The following OR9Q1 variants were observed in gnomAD, a reference collection of about 807,000 sequenced individuals.
OR9Q1 encodes the protein olfactory receptor 9Q1.
For synonymous variants in OR9Q1, 153 were observed against 148.6 expected, an observed-to-expected ratio of 1.03 and a Z score of -0.22; for missense variants, 374 against 378.8, an observed-to-expected ratio of 0.99 and a Z score of 0.11.
At chr11:58,140,505 G>C (rs1385346607) in intron 2 of OR9Q1, among the ~76,000 whole-genome samples, 3 of 152,108 alleles carry the variant, frequency 2.0e-5, no homozygotes, top group Non-Finnish European at 4.4e-5. Flanking sequence ...TTCTACATAT[G>C]GCTAGCCAGT....
intron 2 of OR9Q1, among the ~76,000 whole-genome samples, chr11:58,127,019 T>C (rs1035674358): frequency 1.3e-5 from 2 of 152,188 alleles, no homozygotes; most frequent in Admixed American, 1.3e-4. Flanking sequence ...GGCATGATCT[T>C]GGCTCACTGC....
Position 58,036,067 on chromosome 11 carries a change from A to G in OR9Q1, c.-93+11963A>G, listed in dbSNP as rs143418423. On this transcript the variant is annotated intron_variant, in intron 1 of 2. Transcript: ENST00000335397. ...GTGTCACATTTTAGTAATTCTCGCAACATTTTAAACTTTACTGTTATTATT... is the reference window on the plus strand; with the variant it reads ...GTGTCACATTTTAGTAATTCTCGCAGCATTTTAAACTTTACTGTTATTATT... 1.9e-3 allele frequency among the ~76,000 whole-genome samples: 292 copies of G among 152,174 alleles called. 4 individuals carry two copies. The highest frequency in any genetic ancestry group is 6.6e-3 in the African/African-American group (275 of 41,516).
chr11:58,034,317 G>T (rs554181122), intron 1 of OR9Q1, among the ~76,000 whole-genome samples: 1 of 151,830 alleles, frequency 6.6e-6, no homozygotes, highest in African/African-American at 2.4e-5. Flanking sequence ...TCGATCTTCT[G>T]ACCTCGTGAT....
chr11:58,094,369 C>G (rs562428236), intron 2 of OR9Q1, among the ~76,000 whole-genome samples: 45 of 152,188 alleles, frequency 3.0e-4, no homozygotes, highest in African/African-American at 9.9e-4. Context: ...ACTCTAAAAG[C>G]CCCAATTTCA....
At chr11:58,031,219 G>T in intron 1 of OR9Q1, 1 of 1,614,120 alleles carries the variant, frequency 6.2e-7, no homozygotes, top group Non-Finnish European at 8.5e-7. Flanking sequence ...GTTTTATTGG[G>T]GTGGATGGTG....
rs149774276 is a variant in OR9Q1, at chr11:58,115,179, C to G, written c.-15+59232C>G. ...AAGAGAGTAGTTTTAAATATTCTCA[C>G]CACAAAAATATTTATCATAATTAAC... On this transcript the variant is annotated intron_variant, in intron 2 of 2. Transcript: ENST00000335397. 3.8e-3 allele frequency among the ~76,000 whole-genome samples: 583 copies of G among 152,144 alleles called. 7 individuals are homozygous for G. The highest frequency in any genetic ancestry group is 6.5e-3 in the Non-Finnish European group (442 of 68,010).
intron 2 of OR9Q1, among the ~76,000 whole-genome samples, chr11:58,175,213 G>A (rs1590627462): frequency 1.3e-5 from 2 of 151,176 alleles, no homozygotes; most frequent in Non-Finnish European, 2.9e-5. Flanking sequence ...GGAAGATTTT[G>A]GAACTGGGAA....
At chr11:58,141,085 G>C (rs1055558831) in intron 2 of OR9Q1, among the ~76,000 whole-genome samples, 4 of 152,144 alleles carry the variant, frequency 2.6e-5, no homozygotes, top group Non-Finnish European at 5.9e-5. Context: ...TTGGCTCTCT[G>C]TTTGTCTGTT....
At chr11:58,032,848 G>A (rs918257772) in intron 1 of OR9Q1, among the ~76,000 whole-genome samples, 6 of 152,004 alleles carry the variant, frequency 3.9e-5, no homozygotes, top group African/African-American at 1.2e-4. Context: ...GAAAATATTC[G>A]CAAACTATGC....
At chr11:58,063,983 T>G (rs1351330087) in intron 2 of OR9Q1, among the ~76,000 whole-genome samples, 1 of 152,210 alleles carries the variant, frequency 6.6e-6, no homozygotes, top group African/African-American at 2.4e-5. Flanking sequence ...GTTATAAATC[T>G]TAGATGCTGT....
At chr11:58,028,264 T>A (rs758341837) in intron 1 of OR9Q1, among the ~76,000 whole-genome samples, 39 of 152,094 alleles carry the variant, frequency 2.6e-4, no homozygotes, top group Non-Finnish European at 1.3e-4. Flanking sequence ...GGTTCCTAGG[T>A]CAGAGCAGGT....
At chr11:58,055,626 C>A (rs567665818) in intron 1 of OR9Q1, among the ~76,000 whole-genome samples, 123 of 151,960 alleles carry the variant, frequency 8.1e-4, no homozygotes, top group Middle Eastern at 3.4e-3. Flanking sequence ...TAGTGAAACC[C>A]CATGTTTGCA....
chr11:58,045,883 T>G (rs1324680522), intron 1 of OR9Q1, among the ~76,000 whole-genome samples: 2 of 152,196 alleles, frequency 1.3e-5, no homozygotes, highest in East Asian at 3.9e-4. Flanking sequence ...TTCTTTGTTA[T>G]GGAGAACTGT....
chr11:58,025,807 T>C (rs1404262195), intron 1 of OR9Q1, among the ~76,000 whole-genome samples: 1 of 152,128 alleles, frequency 6.6e-6, no homozygotes, highest in Non-Finnish European at 1.5e-5. Flanking sequence ...CTCCTGACTC[T>C]CTCCGTGGAC....
At chr11:58,062,408 C>A (rs1030589253) in intron 2 of OR9Q1, among the ~76,000 whole-genome samples, 6 of 152,134 alleles carry the variant, frequency 3.9e-5, no homozygotes, top group African/African-American at 1.4e-4. Flanking sequence ...AGTTACATTC[C>A]AGTCCTAAGG....
rs762968428 is a variant in OR9Q1 at position 58,179,710 on chromosome 11, G to C, written c.266G>C (p.Gly89Ala). 4 of 1,614,042 alleles carry C rather than the reference G, an allele frequency of 2.5e-6. No homozygotes were observed. In the African/African-American group the frequency reaches 4.0e-5, roughly 16 times the overall value. ...PQMLAVLLEH[G>A]AALSYTRCAA... ...ATGCTGGCAGTGCTGCTGGAGCATG[G>C]GGCAGCTTTATCTTACACACGCTGT... Residue 89 changes from glycine (G) to alanine (A), a missense_variant, in exon 3 of 3, where the codon GGG (glycine) becomes GCG (alanine). Physicochemically the swap from Gly to Ala is moderately conservative, Grantham distance 60. Coordinates refer to ENST00000335397, the MANE Select transcript of OR9Q1 (RefSeq NM_001005212.4).
intron 2 of OR9Q1, among the ~76,000 whole-genome samples, chr11:58,103,313 G>A (rs1853808214): frequency 6.6e-6 from 1 of 152,100 alleles, no homozygotes; most frequent in Non-Finnish European, 1.5e-5. Flanking sequence ...AACCGCCCCT[G>A]TGATTCAATT....
chr11:58,087,818 T>G (rs1435438327), intron 2 of OR9Q1, among the ~76,000 whole-genome samples: 2 of 151,818 alleles, frequency 1.3e-5, no homozygotes, highest in African/African-American at 4.9e-5. Context: ...ACGTGTTGTT[T>G]GGTTTTCTGT....
At chr11:58,089,139 A>C (rs1187474354) in intron 2 of OR9Q1, among the ~76,000 whole-genome samples, 1 of 151,590 alleles carries the variant, frequency 6.6e-6, no homozygotes, top group African/African-American at 2.4e-5. Context: ...CGGCTTCCCA[A>C]AGTGTTGGGA....
Sources: gnomAD v4.1 joint callset for allele counts (sites outside exome capture counted in the v4.1 genomes callset) on GRCh38, gnomAD v4.1.1 for gene constraint, MANE v1.5 for transcripts, NCBI Gene and HGNC (gene_info 2026-07-23, HGNC 2026-07-21) for gene names.